Variants in PCDHGA8 observed in about 807,000 individuals in gnomAD.
PCDHGA8 encodes the protein protocadherin gamma subfamily A, 8.
PCDHGA8 carries 45 observed loss-of-function variants against 59.2 expected under a neutral mutation model. That is an observed-to-expected ratio of 0.76 (90% CI 0.60 to 0.98). The LOEUF (loss-of-function observed/expected upper bound fraction) is 0.98, where lower values mean the gene tolerates loss of function less well. PCDHGA8 is among the 50% of genes least tolerant of loss of function. PCDHGA8 has a pLI of 0.00. For synonymous variants in PCDHGA8, 531 were observed against 519.0 expected, an observed-to-expected ratio of 1.02 and a Z score of -0.32; for missense variants, 1,257 against 1,196.2, an observed-to-expected ratio of 1.05 and a Z score of -0.75.
At position 141,444,152 on chromosome 5, in the gene PCDHGA8, A is replaced by ATTT. The variant is rs747671382; in HGVS notation, c.2424+48949_2424+48951dup. 1.9e-3 allele frequency among the ~76,000 whole-genome samples: 66 copies of ATTT among 33,898 alleles called. 23 individuals are homozygous for ATTT. Among genetic ancestry groups the ATTT allele is most frequent in the African/African-American group, 4.6e-3 (33 of 7,184 alleles). The allele number at this position is 33,898 out of a possible 152,430, so 22.2% of individuals were successfully genotyped here. A position where few individuals can be genotyped will look rare whatever the true frequency, so the allele number is the denominator to read the frequency against. On this transcript the variant is annotated intron_variant, in intron 1 of 3. Transcript: ENST00000398604. Reference sequence around the variant, plus strand: ...GATATGTGTCACTTGTGTGTACTGGATTTTTTTTTTTTTTTTTTTTTTTTT... The same window carrying ATTT: ...GATATGTGTCACTTGTGTGTACTGGATTTTTTTTTTTTTTTTTTTTTTTTTTTT...
Position 141,512,160 on chromosome 5 carries a change from G to A in PCDHGA8, c.*987G>A, listed in dbSNP as rs1227447365. On this transcript the variant is annotated 3_prime_UTR_variant, in exon 4 of 4. Coordinates refer to ENST00000398604, the MANE Select transcript of PCDHGA8 (RefSeq NM_032088.2). ...CAGCCAGCTTTGGGCTGAGCTAACA[G>A]GACCAATGGATTAAACTGGCATTTC... 1 of 152,730 alleles carries A rather than the reference G, an allele frequency of 6.5e-6. No individual in the cohort carries two copies. Among genetic ancestry groups the A allele is most frequent in the African/African-American group, 2.4e-5 (1 of 41,456 alleles). The allele number at this position is 152,730 out of a possible 1,614,324, so 9.5% of individuals were successfully genotyped here.
Position 141,489,079 on chromosome 5 carries a change from C to CCCCA in PCDHGA8, c.2425-5727_2425-5726insCCAC. ...CTCCCCTCCCCCCTGCCCACCCCCGCCACTCGGTGACTAAGAACTGCTGCA... is the reference window on the plus strand; with the variant it reads ...CTCCCCTCCCCCCTGCCCACCCCCGCCCCACACTCGGTGACTAAGAACTGCTGCA... On this transcript the variant is annotated intron_variant, in intron 1 of 3. Transcript: ENST00000398604. This position sits in a 1 kb window ranked among gnomAD's most constrained non-coding sequence, Gnocchi z 4.5. The CCCCA allele has an allele frequency of 9.1e-6, 3 of 329,992 alleles. No homozygotes were observed. Among genetic ancestry groups the CCCCA allele is most frequent in the African/African-American group, 2.4e-5 (1 of 41,312 alleles). The allele number at this position is 329,992 out of a possible 1,614,324, so 20.4% of individuals were successfully genotyped here.
In PCDHGA8 at chr5:141,404,747, G is replaced by A. The variant is rs142282950; in HGVS notation, c.2424+9510G>A. 3.0e-4 allele frequency: 483 copies of A among 1,614,062 alleles called. 2 individuals carry two copies. The African/African-American group carries it at 5.3e-3, about 18-fold the overall frequency. On this transcript the variant is annotated intron_variant, in intron 1 of 3. Coordinates refer to ENST00000398604, the MANE Select transcript of PCDHGA8 (RefSeq NM_032088.2). ...GGTGGTGGCAGTGGACAGAGACTCA[G>A]GCCAGAATGCTTGGCTCTCCTACCG...
chr5:141,447,942 T>C (rs1476141059), intron 1 of PCDHGA8, among the ~76,000 whole-genome samples: 2 of 151,740 alleles, frequency 1.3e-5, no homozygotes, highest in African/African-American at 4.8e-5. Context: ...AAAAATTAGC[T>C]GGGCATGGTG....
intron 1 of PCDHGA8, among the ~76,000 whole-genome samples, chr5:141,469,449 C>A (rs1017174114): frequency 2.0e-5 from 3 of 151,846 alleles, no homozygotes; most frequent in African/African-American, 7.3e-5. Context: ...GTGGTGCACA[C>A]CTGTAGTCTC....
At chr5:141,426,937 C>T in intron 1 of PCDHGA8, 1 of 456,736 alleles carries the variant, frequency 2.2e-6, no homozygotes, top group Non-Finnish European at 4.4e-6. Flanking sequence ...ATGGGTGACC[C>T]AGTCCCAACT....
intron 2 of PCDHGA8, among the ~76,000 whole-genome samples, chr5:141,503,909 C>T (rs904260329): frequency 1.3e-5 from 2 of 152,156 alleles, no homozygotes; most frequent in Admixed American, 1.3e-4. Flanking sequence ...ACACACACAA[C>T]GCAACACACA....
Position 141,491,730 on chromosome 5 carries a change from C to A in PCDHGA8, c.2425-3077C>A, listed in dbSNP as rs1346666614. ...GGGGCTCGGCGCCGCCCCGGGCGAC[C>A]CCTGGGGGCGGCACTGGAGAAGCCG... On this transcript the variant is annotated intron_variant, in intron 1 of 3. Coordinates refer to ENST00000398604, the MANE Select transcript of PCDHGA8 (RefSeq NM_032088.2). This position sits in a 1 kb window ranked among gnomAD's most constrained non-coding sequence, Gnocchi z 6.9. 3.1e-6 allele frequency: 5 copies of A among 1,603,920 alleles called. No individual in the cohort carries two copies. The East Asian group carries it at 6.7e-5, about 22-fold the overall frequency.
At position 141,486,383 on chromosome 5, in the gene PCDHGA8, C is replaced by A. The variant is rs757384186; in HGVS notation, c.2425-8424C>A. On this transcript the variant is annotated intron_variant, in intron 1 of 3. Transcript: ENST00000398604. The surrounding 1 kb of genome is among the most constrained non-coding windows in gnomAD (Gnocchi z 5.0). ...TGCCCTCAAGTCTGCCTTCAGGAAC[C>A]AGTTCTCCCTGGTGACTGCTGGACC... The A allele has an allele frequency of 6.2e-7, 1 of 1,614,040 alleles. No homozygotes were observed. Among genetic ancestry groups the A allele is most frequent in the East Asian group, 2.2e-5 (1 of 44,884 alleles).
At chr5:141,404,238 C>T (rs764561008) in intron 1 of PCDHGA8, 3 of 1,613,712 alleles carry the variant, frequency 1.9e-6, no homozygotes, top group Non-Finnish European at 2.5e-6. Context: ...GACAGAGGAA[C>T]TCCGCCCCTG....
intron 3 of PCDHGA8, 146 bp from the exon 4 acceptor site, chr5:141,510,801 A>G: frequency 6.7e-7 from 1 of 1,489,832 alleles, no homozygotes; most frequent in Non-Finnish European, 9.1e-7. Flanking sequence ...AAGAGAGACT[A>G]CCTTGGTGAC....
chr5:141,495,069 T>G (rs1179878936), intron 2 of PCDHGA8, among the ~76,000 whole-genome samples: 1 of 152,142 alleles, frequency 6.6e-6, no homozygotes, highest in African/African-American at 2.4e-5. Flanking sequence ...GGAAGCTCAA[T>G]TCACATGCTT....
chr5:141,416,728 T>C (rs2096057160), intron 1 of PCDHGA8: 1 of 152,232 alleles, frequency 6.6e-6, no homozygotes, highest in Non-Finnish European at 1.5e-5. Context: ...GTTCATTTAG[T>C]TCAATGAAAA....
chr5:141,463,572 C>A (rs1462125489), intron 1 of PCDHGA8, among the ~76,000 whole-genome samples: 2 of 151,572 alleles, frequency 1.3e-5, no homozygotes, highest in African/African-American at 4.9e-5. Context: ...CCTCAGCCTC[C>A]CGAGTAGCTG....
chr5:141,494,943 G>A, intron 2 of PCDHGA8, 78 bp downstream of exon 2: 2 of 1,610,326 alleles, frequency 1.2e-6, no homozygotes, highest in Non-Finnish European at 1.7e-6. Flanking sequence ...ATGGGGGAGG[G>A]CCCAGCATTT....
At chr5:141,495,014 G>A (rs561045298) in intron 2 of PCDHGA8, 149 bp downstream of exon 2, 13 of 1,510,430 alleles carry the variant, frequency 8.6e-6, no homozygotes, top group South Asian at 7.5e-5. Flanking sequence ...GCGGGGGGCT[G>A]GCACACAGAC....
At chr5:141,464,604 G>A (rs1445968596) in intron 1 of PCDHGA8, among the ~76,000 whole-genome samples, 1 of 152,106 alleles carries the variant, frequency 6.6e-6, no homozygotes, top group East Asian at 1.9e-4. Context: ...AGTCTCCTTT[G>A]CAGAGTATAT....
chr5:141,394,430 C>T lies in PCDHGA8; in HGVS notation c.1617C>T (p.Asp539=), dbSNP rs2150569215. 6.2e-7 allele frequency: 1 copy of T among 1,614,244 alleles called. No homozygotes were observed. The highest frequency in any genetic ancestry group is 1.3e-5 in the African/African-American group (1 of 75,068). ...TGGTAACAGCCAGCGACAGCGGGGA[C>T]CCGCCCCTCAGCAGCAACATGTCAC... ...QLLVTASDSG[D]PPLSSNMSLS... Residue 539 remains aspartate, a synonymous_variant, in exon 1 of 4, where the codon GAC becomes GAT. Transcript: ENST00000398604.
intron 1 of PCDHGA8, chr5:141,402,966 C>T (rs749578447): frequency 6.2e-7 from 1 of 1,606,060 alleles, no homozygotes; most frequent in Non-Finnish European, 8.5e-7. Flanking sequence ...GCAGCTCCAA[C>T]CAAATGCCAG....
Sources: gnomAD v4.1 joint callset for allele counts (sites outside exome capture counted in the v4.1 genomes callset) on GRCh38, gnomAD v4.1.1 for gene constraint, Gnocchi (gnomAD v3.1) non-coding constraint, MANE v1.5 for transcripts, NCBI Gene and HGNC (gene_info 2026-07-23, HGNC 2026-07-21) for gene names.